SKAP1: variants seen among roughly 807,000 people sequenced by gnomAD.
SKAP1 encodes the protein src kinase associated phosphoprotein 1.
In SKAP1, 44 loss-of-function variants were observed where a neutral mutation model predicts 58.5. The observed-to-expected ratio is 0.75, with a 90% CI of 0.59 to 0.97. SKAP1 has a LOEUF of 0.97. Among genes scored for constraint, SKAP1 ranks in the 50% least tolerant of loss-of-function variants. SKAP1 has a pLI of 0.00. For missense variants in SKAP1, 390 were observed against 435.2 expected (o/e 0.90, Z 0.92); for synonymous variants, 127 against 149.7 (o/e 0.85, Z 1.11).
intron 4 of SKAP1, among the ~76,000 whole-genome samples, chr17:48,289,773 G>GTATATA (rs56776158): frequency 1.3e-5 from 2 of 151,164 alleles, no homozygotes; most frequent in African/African-American, 4.9e-5. Flanking sequence ...GCACCAATAA[G>GTATATA]TATATATATA....
intron 4 of SKAP1, among the ~76,000 whole-genome samples, chr17:48,288,319 T>G (rs895454582): frequency 5.3e-5 from 8 of 152,236 alleles, no homozygotes; most frequent in Non-Finnish European, 1.2e-4. Flanking sequence ...AAGGGTTTTT[T>G]AAGCTATAAT....
intron 2 of SKAP1, among the ~76,000 whole-genome samples, chr17:48,371,477 T>C (rs1004696020): frequency 7.3e-5 from 11 of 151,624 alleles, no homozygotes; most frequent in African/African-American, 2.7e-4. Flanking sequence ...ATTAGATAGA[T>C]CCTGATGAAA....
chr17:48,409,250 A>C (rs1327349742), intron 1 of SKAP1, among the ~76,000 whole-genome samples: 1 of 152,230 alleles, frequency 6.6e-6, no homozygotes, highest in Non-Finnish European at 1.5e-5. Flanking sequence ...TCTGCAAGTG[A>C]ATGTTCATAA....
chr17:48,269,179 G>A (rs1385540731), intron 4 of SKAP1, among the ~76,000 whole-genome samples: 1 of 151,898 alleles, frequency 6.6e-6, no homozygotes, highest in Non-Finnish European at 1.5e-5. Flanking sequence ...CTGAATTAAA[G>A]GTAAATATAC....
At chr17:48,193,132 C>G (rs1448354956) in intron 4 of SKAP1, among the ~76,000 whole-genome samples, 5 of 152,146 alleles carry the variant, frequency 3.3e-5, no homozygotes, top group African/African-American at 1.2e-4. Context: ...ACCTCCACCT[C>G]CCGGGTTCAA....
intron 11 of SKAP1, among the ~76,000 whole-genome samples, chr17:48,158,034 G>A (rs1300875083): frequency 6.6e-6 from 1 of 151,504 alleles, no homozygotes; most frequent in African/African-American, 2.4e-5. Context: ...AAAATTAGCT[G>A]GGCATGGGGG....
At chr17:48,165,495 G>A (rs1375746612) in intron 10 of SKAP1, among the ~76,000 whole-genome samples, 3 of 151,376 alleles carry the variant, frequency 2.0e-5, no homozygotes, top group Non-Finnish European at 2.9e-5. Flanking sequence ...CTGCCTCCTG[G>A]GTTCAAGGGA....
chr17:48,419,340 A>G (rs1484905583), intron 1 of SKAP1, among the ~76,000 whole-genome samples: 2 of 151,484 alleles, frequency 1.3e-5, no homozygotes, highest in Non-Finnish European at 2.9e-5. Flanking sequence ...GCTGGAGTGC[A>G]GTGGTGCTAT....
intron 11 of SKAP1, among the ~76,000 whole-genome samples, chr17:48,139,745 C>G (rs2063745804): frequency 6.6e-6 from 1 of 152,156 alleles, no homozygotes; most frequent in Non-Finnish European, 1.5e-5. Flanking sequence ...TTGCTTCTGA[C>G]AACCTCTTCT....
chr17:48,193,679 C>T lies in SKAP1; in HGVS notation c.281-4179G>A. On this transcript the variant is annotated intron_variant, in intron 4 of 12. Coordinates refer to ENST00000336915, the MANE Select transcript of SKAP1 (RefSeq NM_003726.4). ...TCCTCTTTCAGTGTCAGCGCAGGGT[C>T]CTACTGATCAAGAACTAGTGATCCT... is the stretch of plus-strand genomic sequence containing the variant. 4.1e-6 allele frequency: 4 copies of T among 984,730 alleles called. No individual in the cohort carries two copies. In the South Asian group the frequency reaches 1.4e-4, roughly 35 times the overall value. The allele number at this position is 984,730 out of a possible 1,614,324, so 61.0% of individuals were successfully genotyped here.
At chr17:48,176,395 T>A (rs1214005147) in intron 9 of SKAP1, among the ~76,000 whole-genome samples, 1 of 152,216 alleles carries the variant, frequency 6.6e-6, no homozygotes, top group African/African-American at 2.4e-5. Flanking sequence ...GTTGTCCTTT[T>A]ATGGAATCTT....
intron 11 of SKAP1, among the ~76,000 whole-genome samples, chr17:48,158,786 G>A (rs1164960469): frequency 6.7e-6 from 1 of 150,054 alleles, no homozygotes; most frequent in African/African-American, 2.5e-5. Context: ...CGGTGAAACC[G>A]CGTCTCTACT....
At chr17:48,251,774 A>G (rs902776667) in intron 4 of SKAP1, among the ~76,000 whole-genome samples, 4 of 152,214 alleles carry the variant, frequency 2.6e-5, no homozygotes, top group African/African-American at 7.2e-5. Flanking sequence ...ACCTGCTGCC[A>G]CACATTCAAA....
At chr17:48,431,056 CA>C (rs1472548472), upstream of SKAP1, among the ~76,000 whole-genome samples, 1 of 151,998 alleles carries the variant, frequency 6.6e-6, no homozygotes, top group African/African-American at 2.4e-5. Flanking sequence ...CTATAATTCT[CA>C]AAATAAAGAG....
chr17:48,248,123 C>G (rs2065317352), intron 4 of SKAP1, among the ~76,000 whole-genome samples: 1 of 152,148 alleles, frequency 6.6e-6, no homozygotes, highest in Non-Finnish European at 1.5e-5. Context: ...ATGAACAGAC[C>G]TCATAGTGTA....
chr17:48,223,196 T>C (rs537134183), intron 4 of SKAP1, among the ~76,000 whole-genome samples: 1 of 152,046 alleles, frequency 6.6e-6, no homozygotes, highest in African/African-American at 2.4e-5. Flanking sequence ...TTCTAAAAAC[T>C]GCTGATTCTC....
intron 4 of SKAP1, among the ~76,000 whole-genome samples, chr17:48,292,078 C>T (rs1231065047): frequency 7.2e-6 from 1 of 139,044 alleles, no homozygotes; most frequent in East Asian, 2.0e-4. Flanking sequence ...GTATAACCTA[C>T]TAAAATCACA....
Position 48,201,445 on chromosome 17 carries a change from A to G in SKAP1, c.281-11945T>C, listed in dbSNP as rs145277569. 9.2e-4 allele frequency among the ~76,000 whole-genome samples: 140 copies of G among 151,800 alleles called. 1 individual carries two copies. Among genetic ancestry groups the G allele is most frequent in the African/African-American group, 3.3e-3 (137 of 41,370 alleles). ...CACCCAGGCTGAAGTGCAGTGGTGC[A>G]ATCATGGCTCACTGCAGCCTCCATC... On this transcript the variant is annotated intron_variant, in intron 4 of 12. Transcript: ENST00000336915.
intron 4 of SKAP1, among the ~76,000 whole-genome samples, chr17:48,206,195 T>C (rs2064807572): frequency 6.6e-6 from 1 of 152,178 alleles, no homozygotes; most frequent in South Asian, 2.1e-4. Context: ...ACTATGCAAA[T>C]GAAGAAAGTC....
Sources: gnomAD v4.1 joint callset for allele counts (sites outside exome capture counted in the v4.1 genomes callset) on GRCh38, gnomAD v4.1.1 for gene constraint, MANE v1.5 for transcripts, NCBI Gene and HGNC (gene_info 2026-07-23, HGNC 2026-07-21) for gene names.